The following CHST11 variants were observed in gnomAD, a reference collection of about 807,000 sequenced individuals.
The protein encoded by CHST11 is C4S-1.
Under a neutral mutation model 30.4 loss-of-function variants are expected in CHST11, and 9 were observed. That is an observed-to-expected ratio of 0.30 (90% CI 0.18 to 0.52). CHST11 has a LOEUF of 0.52. CHST11 is among the 20% of genes least tolerant of loss of function. CHST11 has a pLI of 0.97. For synonymous variants in CHST11, 152 were observed against 187.8 expected (o/e 0.81, Z 1.56); for missense variants, 348 against 460.6 (o/e 0.76, Z 2.24).
chr12:104,631,704 A>G (rs1170436224), intron 2 of CHST11, among the ~76,000 whole-genome samples: 3 of 152,326 alleles, frequency 2.0e-5, no homozygotes, highest in East Asian at 3.9e-4. Flanking sequence ...GACTGGCTAC[A>G]TGATTTGCAG....
chr12:104,480,593 AAAAAG>A (rs1225384820), intron 1 of CHST11, among the ~76,000 whole-genome samples: 3 of 152,010 alleles, frequency 2.0e-5, no homozygotes, highest in African/African-American at 7.2e-5. Context: ...AAAAAAAAAA[AAAAAG>A]ATGAAGTCAT....
intron 2 of CHST11, among the ~76,000 whole-genome samples, chr12:104,704,025 GAT>G (rs2040011915): frequency 6.6e-6 from 1 of 152,176 alleles, no homozygotes; most frequent in African/African-American, 2.4e-5. Flanking sequence ...TGTTGAATGG[GAT>G]ATGTGTCCAG....
chr12:104,550,656 C>G (rs2038395887), intron 1 of CHST11, among the ~76,000 whole-genome samples: 1 of 152,188 alleles, frequency 6.6e-6, no homozygotes, highest in Non-Finnish European at 1.5e-5. Flanking sequence ...GAATGGAAAC[C>G]TCTGTCTTGC....
chr12:104,523,646 A>G (rs1178980600), intron 1 of CHST11, among the ~76,000 whole-genome samples: 1 of 152,174 alleles, frequency 6.6e-6, no homozygotes, highest in Non-Finnish European at 1.5e-5. Context: ...CTCAAGTGAA[A>G]TAATATTTTA....
intron 2 of CHST11, among the ~76,000 whole-genome samples, chr12:104,634,790 C>T (rs1187729474): frequency 6.6e-6 from 1 of 152,176 alleles, no homozygotes; most frequent in East Asian, 1.9e-4. Flanking sequence ...CTGATGTCTT[C>T]AGACCAGGCA....
chr12:104,659,427 C>T (rs981223883), intron 2 of CHST11, among the ~76,000 whole-genome samples: 25 of 152,122 alleles, frequency 1.6e-4, no homozygotes, highest in African/African-American at 4.8e-4. Context: ...ATCACTGCCC[C>T]GATCCTCCAT....
chr12:104,659,129 A>T (rs2039573332), intron 2 of CHST11, among the ~76,000 whole-genome samples: 1 of 152,210 alleles, frequency 6.6e-6, no homozygotes, highest in Non-Finnish European at 1.5e-5. Context: ...CTAACATGTG[A>T]TGTGTCTGGA....
chr12:104,630,383 A>C (rs1209784170), intron 2 of CHST11, among the ~76,000 whole-genome samples: 2 of 152,220 alleles, frequency 1.3e-5, no homozygotes, highest in Non-Finnish European at 2.9e-5. Context: ...ATTTATGGAA[A>C]GTGCTTAAGA....
At chr12:104,656,459 C>T (rs1270447305) in intron 2 of CHST11, among the ~76,000 whole-genome samples, 1 of 152,194 alleles carries the variant, frequency 6.6e-6, no homozygotes, top group Non-Finnish European at 1.5e-5. Context: ...CACTCAGGCT[C>T]CGTCTCAGGT....
At chr12:104,489,695 C>A (rs1001425562) in intron 1 of CHST11, among the ~76,000 whole-genome samples, 1 of 151,162 alleles carries the variant, frequency 6.6e-6, no homozygotes, top group Non-Finnish European at 1.5e-5. Context: ...AATCTCTTGA[C>A]TTTGTGATCT....
At chr12:104,735,086 C>T (rs1280425898) in intron 2 of CHST11, among the ~76,000 whole-genome samples, 1 of 152,186 alleles carries the variant, frequency 6.6e-6, no homozygotes, top group Non-Finnish European at 1.5e-5. Flanking sequence ...CAGTCCTGAA[C>T]TTCAGGGAGC....
intron 1 of CHST11, among the ~76,000 whole-genome samples, chr12:104,520,862 C>T (rs373682720): frequency 4.6e-5 from 7 of 152,178 alleles, no homozygotes; most frequent in East Asian, 1.9e-4. Flanking sequence ...TGTTCTCTGA[C>T]CCTGGAGGCT....
intron 1 of CHST11, among the ~76,000 whole-genome samples, chr12:104,484,144 C>G (rs765140759): frequency 2.0e-5 from 3 of 152,190 alleles, no homozygotes; most frequent in African/African-American, 4.8e-5. Flanking sequence ...AATGGTTCCT[C>G]TCCTGGTTAG....
intron 1 of CHST11, among the ~76,000 whole-genome samples, chr12:104,495,199 TTTTG>T (rs1355838840): frequency 6.6e-6 from 1 of 152,180 alleles, no homozygotes; most frequent in African/African-American, 2.4e-5. Flanking sequence ...GTACACCACA[TTTTG>T]TTTATCTGTT....
At chr12:104,558,969 C>T (rs1306512404) in intron 1 of CHST11, among the ~76,000 whole-genome samples, 1 of 152,106 alleles carries the variant, frequency 6.6e-6, no homozygotes, top group Non-Finnish European at 1.5e-5. Flanking sequence ...CTTAATAGCA[C>T]AGCTGCATTC....
intron 1 of CHST11, among the ~76,000 whole-genome samples, chr12:104,544,550 TA>T (rs1406305524): frequency 6.6e-6 from 1 of 151,812 alleles, no homozygotes; most frequent in South Asian, 2.1e-4. Context: ...CTACTAAAAA[TA>T]CAAAAATTAG....
intron 2 of CHST11, among the ~76,000 whole-genome samples, chr12:104,646,987 A>G (rs116002694): frequency 0.018 from 2,673 of 152,360 alleles, 60 homozygotes; most frequent in African/African-American, 0.06. Flanking sequence ...TGTGTGTTCA[A>G]TAAGTGATCA....
chr12:104,713,985 C>T (rs2040108947), intron 2 of CHST11, among the ~76,000 whole-genome samples: 1 of 152,190 alleles, frequency 6.6e-6, no homozygotes, highest in Admixed American at 6.5e-5. Flanking sequence ...CTTGAGCAGC[C>T]TCCCTGCCAC....
At chr12:104,510,689 G>C (rs1304055562) in intron 1 of CHST11, among the ~76,000 whole-genome samples, 2 of 152,248 alleles carry the variant, frequency 1.3e-5, no homozygotes, top group Non-Finnish European at 2.9e-5. Flanking sequence ...CATTAATGAA[G>C]AGAATGTCTT....
Sources: gnomAD v4.1 joint callset for allele counts (sites outside exome capture counted in the v4.1 genomes callset) on GRCh38, gnomAD v4.1.1 for gene constraint, MANE v1.5 for transcripts, NCBI Gene and HGNC (gene_info 2026-07-23, HGNC 2026-07-21) for gene names.